STAU2: variants seen among roughly 807,000 people sequenced by gnomAD.
STAU2 encodes double-stranded RNA-binding protein Staufen homolog 2.
STAU2 carries 20 observed loss-of-function variants against 65.9 expected under a neutral mutation model. The ratio of observed to expected loss-of-function variants is 0.30; its 90% CI spans 0.21 to 0.44. The LOEUF is 0.44. STAU2 is among the 20% of genes least tolerant of loss of function. The pLI is 1.00. For missense variants in STAU2, 558 were observed against 683.9 expected, an observed-to-expected ratio of 0.82 and a Z score of 2.05; for synonymous variants, 232 against 233.9, an observed-to-expected ratio of 0.99 and a Z score of 0.07.
chr8:73,728,126 C>T (rs1007345013), intron 3 of STAU2: 1 of 152,106 alleles, frequency 6.6e-6, no homozygotes, highest in Non-Finnish European at 1.5e-5. Context: ...TTATACATGG[C>T]ATGAAGTAGG....
chr8:73,449,428 T>C (rs1237018370), intron 13 of STAU2, among the ~76,000 whole-genome samples: 1 of 152,232 alleles, frequency 6.6e-6, no homozygotes, highest in Non-Finnish European at 1.5e-5. Context: ...CCAACTCTTA[T>C]GATCTTATCG....
chr8:73,639,278 A>C (rs1814781190), intron 6 of STAU2, among the ~76,000 whole-genome samples: 1 of 152,080 alleles, frequency 6.6e-6, no homozygotes, highest in Non-Finnish European at 1.5e-5. Context: ...ACCTACACTA[A>C]CAAAGGAAAA....
At chr8:73,430,099 C>T (rs1414775094) in intron 13 of STAU2, among the ~76,000 whole-genome samples, 1 of 152,230 alleles carries the variant, frequency 6.6e-6, no homozygotes, top group African/African-American at 2.4e-5. Flanking sequence ...TCCATTTCTT[C>T]ACATTCTGAG....
intron 6 of STAU2, chr8:73,652,829 T>C (rs1489153201): frequency 1.3e-5 from 2 of 152,168 alleles, no homozygotes; most frequent in South Asian, 2.1e-4. Context: ...TATATACATA[T>C]AGATATTCAC....
At chr8:73,695,728 AT>A (rs1563512937) in intron 4 of STAU2, among the ~76,000 whole-genome samples, 1 of 152,172 alleles carries the variant, frequency 6.6e-6, no homozygotes, top group Non-Finnish European at 1.5e-5. Context: ...GCCCTGAAGA[AT>A]GAGCCCATGG....
chr8:73,510,485 G>T (rs900245986), intron 13 of STAU2, among the ~76,000 whole-genome samples: 2 of 152,086 alleles, frequency 1.3e-5, no homozygotes, highest in African/African-American at 4.8e-5. Context: ...ATTTTTACAA[G>T]AACTAATTTC....
intron 5 of STAU2, among the ~76,000 whole-genome samples, chr8:73,674,099 A>G (rs1174203948): frequency 6.7e-6 from 1 of 149,492 alleles, no homozygotes; most frequent in South Asian, 2.1e-4. Flanking sequence ...ATATTTGCTT[A>G]CTTTTTTTAA....
intron 13 of STAU2, among the ~76,000 whole-genome samples, chr8:73,423,478 C>A (rs532634664): frequency 1.3e-5 from 2 of 152,176 alleles, no homozygotes; most frequent in African/African-American, 2.4e-5. Flanking sequence ...TCCCCTCCCC[C>A]AAGCCCGACA....
At chr8:73,648,672 C>A (rs978926388) in intron 6 of STAU2, among the ~76,000 whole-genome samples, 1 of 152,194 alleles carries the variant, frequency 6.6e-6, no homozygotes, top group African/African-American at 2.4e-5. Context: ...ACCCAACATG[C>A]AATTTTCTTT....
chr8:73,617,744 T>G (rs1171356302), intron 6 of STAU2, among the ~76,000 whole-genome samples: 4 of 152,206 alleles, frequency 2.6e-5, no homozygotes, highest in Non-Finnish European at 5.9e-5. Flanking sequence ...TTCGGTCAGA[T>G]TTTGACAGAA....
At chr8:73,542,936 C>T (rs895781828) in intron 13 of STAU2, among the ~76,000 whole-genome samples, 38 of 152,168 alleles carry the variant, frequency 2.5e-4, no homozygotes, top group Admixed American at 2.5e-3. Flanking sequence ...AGGTATTTTC[C>T]CAAGAGAACT....
At chr8:73,482,572 A>G (rs1334239001) in intron 13 of STAU2, among the ~76,000 whole-genome samples, 2 of 152,146 alleles carry the variant, frequency 1.3e-5, no homozygotes, top group African/African-American at 4.8e-5. Context: ...TGATCTCAGT[A>G]TTCTGCCCTG....
At chr8:73,523,215 A>AAAAAG (rs1563400520) in intron 13 of STAU2, among the ~76,000 whole-genome samples, 1 of 150,146 alleles carries the variant, frequency 6.7e-6, no homozygotes. Flanking sequence ...AAAAAAAAAA[A>AAAAAG]AAAAGAAAAG....
chr8:73,602,422 T>C (rs1811700955), intron 10 of STAU2, among the ~76,000 whole-genome samples: 1 of 152,138 alleles, frequency 6.6e-6, no homozygotes. Flanking sequence ...TAAAAAACAG[T>C]TTGAGACTAA....
At chr8:73,628,920 T>C (rs953740087) in intron 6 of STAU2, among the ~76,000 whole-genome samples, 1 of 152,194 alleles carries the variant, frequency 6.6e-6, no homozygotes, top group African/African-American at 2.4e-5. Context: ...GAATTAACTA[T>C]CAACTTTGGA....
intron 6 of STAU2, among the ~76,000 whole-genome samples, chr8:73,664,045 T>C (rs1323592912): frequency 6.6e-6 from 1 of 152,190 alleles, no homozygotes; most frequent in Non-Finnish European, 1.5e-5. Context: ...AACTCAAGTA[T>C]AATGTGGGGT....
At chr8:73,558,505 T>A (rs893469957) in intron 12 of STAU2, among the ~76,000 whole-genome samples, 2 of 152,166 alleles carry the variant, frequency 1.3e-5, no homozygotes, top group East Asian at 3.9e-4. Context: ...TACTGAAGAG[T>A]TGAAGAGGGA....
At chr8:73,494,637 T>C (rs1821308829) in intron 13 of STAU2, among the ~76,000 whole-genome samples, 1 of 151,638 alleles carries the variant, frequency 6.6e-6, no homozygotes, top group Non-Finnish European at 1.5e-5. Context: ...GCTTGATCAG[T>C]TGATTTGGAT....
At chr8:73,637,496 A>G (rs1182530258) in intron 6 of STAU2, among the ~76,000 whole-genome samples, 7 of 142,940 alleles carry the variant, frequency 4.9e-5, no homozygotes, top group East Asian at 2.1e-4. Context: ...AAAAAAAAAA[A>G]AAAAAAAAAG....
Sources: gnomAD v4.1 joint callset for allele counts (sites outside exome capture counted in the v4.1 genomes callset) on GRCh38, gnomAD v4.1.1 for gene constraint, MANE v1.5 for transcripts, NCBI Gene and HGNC (gene_info 2026-07-23, HGNC 2026-07-21) for gene names.